The following CORO2B variants were observed in gnomAD, a reference collection of about 807,000 sequenced individuals.
CORO2B encodes coronin 2B.
CORO2B carries 26 observed loss-of-function variants against 58.8 expected under a neutral mutation model. The ratio of observed to expected loss-of-function variants is 0.44; its 90% CI spans 0.32 to 0.61. The LOEUF is 0.61. CORO2B is among the 20% of genes least tolerant of loss of function. CORO2B has a pLI of 0.04. For missense variants in CORO2B, 460 were observed against 645.1 expected (o/e 0.71, Z 3.11); for synonymous variants, 242 against 253.8 (o/e 0.95, Z 0.44).
chr15:68,538,184 T>C, the CORO2B span, among the ~76,000 whole-genome samples: 144,153 of 152,202 alleles, frequency 0.95, 68,366 homozygotes, highest in East Asian at 1. Context: ...ATTTAATTGA[T>C]CCCAATAATT....
chr15:68,655,683 G>A (rs1240848591), intron 2 of CORO2B, among the ~76,000 whole-genome samples: 1 of 152,164 alleles, frequency 6.6e-6, no homozygotes, highest in African/African-American at 2.4e-5. Flanking sequence ...GTTAAGGTTA[G>A]GGTGAGATTT....
chr15:68,561,058 TGAG>T, the CORO2B span, among the ~76,000 whole-genome samples: 1 of 152,102 alleles, frequency 6.6e-6, no homozygotes, highest in East Asian at 1.9e-4. Context: ...TGGTGGTTGT[TGAG>T]GGATTTATGT....
intron 2 of CORO2B, among the ~76,000 whole-genome samples, chr15:68,650,134 C>T (rs1030545552): frequency 6.6e-6 from 1 of 151,798 alleles, no homozygotes; most frequent in Non-Finnish European, 1.5e-5. Flanking sequence ...TTTGGGAGGC[C>T]GAGGCGGGCT....
chr15:68,559,667 C>A, the CORO2B span: 4 of 983,604 alleles, frequency 4.1e-6, no homozygotes, highest in Non-Finnish European at 4.8e-6. This position sits in a 1 kb window ranked among gnomAD's most constrained non-coding sequence, Gnocchi z 4.3. Flanking sequence ...TCTGGGCCTC[C>A]GTTTCCGGTT....
At chr15:68,693,260 C>T (rs8029298) in intron 2 of CORO2B, among the ~76,000 whole-genome samples, 136,212 of 152,218 alleles carry the variant, frequency 0.89, 61,829 homozygotes, top group East Asian at 1. Flanking sequence ...AATGAGCCGA[C>T]AGAGATGCAG....
intron 1 of CORO2B, among the ~76,000 whole-genome samples, chr15:68,602,756 G>A (rs1031461032): frequency 6.6e-6 from 1 of 152,148 alleles, no homozygotes; most frequent in South Asian, 2.1e-4. Context: ...GAGGTTCTGT[G>A]CAATGTGCAA....
chr15:68,523,058 T>A, the CORO2B span, among the ~76,000 whole-genome samples: 6 of 152,226 alleles, frequency 3.9e-5, no homozygotes, highest in Non-Finnish European at 7.3e-5. Flanking sequence ...GAAGTTGGTT[T>A]TAGTCTTTAC....
chr15:68,529,076 A>T, the CORO2B span, among the ~76,000 whole-genome samples: 1 of 152,146 alleles, frequency 6.6e-6, no homozygotes, highest in Non-Finnish European at 1.5e-5. Flanking sequence ...CTGACACTCC[A>T]ATGTTTCCTG....
the CORO2B span, among the ~76,000 whole-genome samples, chr15:68,523,270 C>T: frequency 2.6e-5 from 4 of 152,062 alleles, no homozygotes; most frequent in Non-Finnish European, 5.9e-5. Flanking sequence ...TCATGGCTCA[C>T]TGCAGCCTCA....
intron 1 of CORO2B, among the ~76,000 whole-genome samples, chr15:68,604,034 C>T (rs1373340562): frequency 6.6e-6 from 1 of 152,170 alleles, no homozygotes; most frequent in Non-Finnish European, 1.5e-5. Flanking sequence ...GTCAAGACTG[C>T]TGGGGTCCAA....
intron 1 of CORO2B, among the ~76,000 whole-genome samples, chr15:68,587,796 G>A (rs975457066): frequency 6.6e-6 from 1 of 152,244 alleles, no homozygotes; most frequent in South Asian, 2.1e-4. Flanking sequence ...GTCCAGGGAA[G>A]GAAGGGAGGT....
rs1892880375 is a variant in CORO2B, at chr15:68,710,168, T to C, written c.334-564T>C. Among the ~76,000 whole-genome samples, 2 of 152,184 alleles carry C rather than the reference T, an allele frequency of 1.3e-5. No homozygotes were observed. ...TCCAGGCTCTGCCCATCCTTTCAGC[T>C]CAGGCCCCAACATCTGATCAGTCTC... On this transcript the variant is annotated intron_variant, in intron 3 of 11. Coordinates refer to ENST00000261861, the MANE Select transcript of CORO2B (RefSeq NM_006091.5). This position sits in a 1 kb window ranked among gnomAD's most constrained non-coding sequence, Gnocchi z 4.1.
intron 1 of CORO2B, among the ~76,000 whole-genome samples, chr15:68,626,606 G>A (rs1477784894): frequency 6.6e-6 from 1 of 152,174 alleles, no homozygotes; most frequent in Non-Finnish European, 1.5e-5. Context: ...GGAGGAGGAA[G>A]CAAGAGACTC....
chr15:68,664,354 CTG>C (rs112169601), intron 2 of CORO2B, among the ~76,000 whole-genome samples: 9,730 of 152,184 alleles, frequency 0.064, 671 homozygotes, highest in African/African-American at 0.18. Flanking sequence ...CTCTTAAAAA[CTG>C]AGAGTTATTG....
intron 1 of CORO2B, among the ~76,000 whole-genome samples, chr15:68,600,491 T>G (rs1016214427): frequency 1.2e-4 from 19 of 152,316 alleles, no homozygotes; most frequent in African/African-American, 3.1e-4. Context: ...GTCCTAGACC[T>G]GGGTACCTGT....
chr15:68,562,927 A>T, the CORO2B span, among the ~76,000 whole-genome samples: 4 of 150,934 alleles, frequency 2.7e-5, no homozygotes, highest in South Asian at 6.3e-4. Flanking sequence ...CAGTGAGCCG[A>T]GATCATGCCA....
At chr15:68,698,239 T>G (rs1892560355) in intron 3 of CORO2B, among the ~76,000 whole-genome samples, 1 of 152,220 alleles carries the variant, frequency 6.6e-6, no homozygotes, top group Non-Finnish European at 1.5e-5. Flanking sequence ...CAGCCAATGC[T>G]GTCTCCCAGT....
At chr15:68,581,434 G>A (rs931120438) in intron 1 of CORO2B, among the ~76,000 whole-genome samples, 6 of 152,182 alleles carry the variant, frequency 3.9e-5, no homozygotes, top group African/African-American at 1.2e-4. Context: ...CTACAAGCCC[G>A]CTGGTAGTAG....
At position 68,651,958 on chromosome 15, in the gene CORO2B, T is replaced by G. The variant is rs544908351; in HGVS notation, c.216+6598T>G. On this transcript the variant is annotated intron_variant, in intron 2 of 11. Coordinates refer to ENST00000261861, the MANE Select transcript of CORO2B (RefSeq NM_006091.5). The stretch of plus-strand genomic sequence containing the variant: ...CTACAAACAACAACCGCGAAGATGC[T>G]TTGCCTTTGTACAGCACTCTCAAGT... Among the ~76,000 whole-genome samples, 100 of 152,368 alleles carry G rather than the reference T, an allele frequency of 6.6e-4. No homozygotes were observed. The Middle Eastern group carries it at 0.01, about 16-fold the overall frequency.
Sources: gnomAD v4.1 joint callset for allele counts (sites outside exome capture counted in the v4.1 genomes callset) on GRCh38, gnomAD v4.1.1 for gene constraint, Gnocchi (gnomAD v3.1) non-coding constraint, MANE v1.5 for transcripts, NCBI Gene and HGNC (gene_info 2026-07-23, HGNC 2026-07-21) for gene names.